Variants in TBC1D14 observed in about 807,000 individuals in gnomAD.
TBC1D14 encodes the protein TBC1 domain family, member 14.
A neutral mutation model predicts 79.0 loss-of-function variants in TBC1D14; 26 were observed. The ratio of observed to expected loss-of-function variants is 0.33; its 90% CI spans 0.24 to 0.46. The LOEUF is 0.46. TBC1D14 is among the 20% of genes least tolerant of loss of function. TBC1D14 has a pLI of 1.00. For synonymous variants in TBC1D14, 394 were observed against 349.9 expected (o/e 1.13, Z -1.40); for missense variants, 769 against 887.6 (o/e 0.87, Z 1.70).
intron 2 of TBC1D14, among the ~76,000 whole-genome samples, chr4:6,947,519 G>A (rs1713597718): frequency 6.6e-6 from 1 of 150,844 alleles, no homozygotes; most frequent in Non-Finnish European, 1.5e-5. Context: ...AAAATTAGCT[G>A]CCCCTGGTGG....
chr4:7,025,394 G>C, intron 13 of TBC1D14, 132 bp downstream of exon 13: 1 of 1,422,926 alleles, frequency 7.0e-7, no homozygotes, highest in Non-Finnish European at 9.3e-7. Context: ...AACTGAGGGG[G>C]GCCGGGTGGA....
chr4:7,012,833 A>G (rs1393355204), intron 11 of TBC1D14, among the ~76,000 whole-genome samples: 1 of 152,226 alleles, frequency 6.6e-6, no homozygotes, highest in Non-Finnish European at 1.5e-5. Context: ...TACCTTTCCA[A>G]GAAAAGTAAT....
intron 3 of TBC1D14, chr4:6,987,201 G>T (rs1717932988): frequency 4.1e-6 from 5 of 1,229,296 alleles, no homozygotes; most frequent in Non-Finnish European, 5.1e-6. Context: ...GCGATTGAGC[G>T]GCCTGCCGCC....
chr4:6,914,490 G>C (rs1478879969), intron 1 of TBC1D14, among the ~76,000 whole-genome samples: 1 of 152,200 alleles, frequency 6.6e-6, no homozygotes, highest in East Asian at 1.9e-4. Context: ...TAGGCTGTGT[G>C]TGTAGCAGTG....
At chr4:7,007,797 T>C (rs1720351253) in intron 9 of TBC1D14, among the ~76,000 whole-genome samples, 1 of 152,206 alleles carries the variant, frequency 6.6e-6, no homozygotes, top group African/African-American at 2.4e-5. Context: ...AGCCCCTGCA[T>C]CGCTCTCTTG....
At chr4:6,963,035 G>T (rs1715370812) in intron 2 of TBC1D14, among the ~76,000 whole-genome samples, 1 of 152,244 alleles carries the variant, frequency 6.6e-6, no homozygotes, top group African/African-American at 2.4e-5. Context: ...GGCATGTGGA[G>T]AGGAGAGGGT....
chr4:7,009,793 C>T (rs878864558), intron 9 of TBC1D14, 84 bp from the exon 10 acceptor site: 18 of 1,337,030 alleles, frequency 1.3e-5, no homozygotes, highest in Admixed American at 3.4e-5. Flanking sequence ...GGAGTGGCAG[C>T]GGCAGCAGTA....
At chr4:6,916,489 GTTCCCACTGC>G (rs1723412290) in intron 1 of TBC1D14, among the ~76,000 whole-genome samples, 1 of 152,230 alleles carries the variant, frequency 6.6e-6, no homozygotes, top group Non-Finnish European at 1.5e-5. Flanking sequence ...GGTTAAGACA[GTTCCCACTGC>G]TTTTTAAGGA....
chr4:7,022,517 A>G (rs67602077), intron 12 of TBC1D14, among the ~76,000 whole-genome samples: 12,616 of 152,254 alleles, frequency 0.083, 657 homozygotes, highest in African/African-American at 0.14. Flanking sequence ...TGACCTTCCA[A>G]GAAATAGTGA....
chr4:7,030,274 A>C (rs542907399), intron 13 of TBC1D14, 53 bp from the exon 14 acceptor site: 22 of 1,577,734 alleles, frequency 1.4e-5, no homozygotes, highest in Non-Finnish European at 1.8e-5. Flanking sequence ...CGCTGCTGTC[A>C]GGATCTGTGT....
intron 2 of TBC1D14, among the ~76,000 whole-genome samples, chr4:6,948,992 G>C (rs948818203): frequency 6.6e-6 from 1 of 151,626 alleles, no homozygotes; most frequent in Admixed American, 6.6e-5. Context: ...GGCCAACATG[G>C]TGAAACCCTG....
At chr4:6,980,857 A>G (rs1474190956) in intron 3 of TBC1D14, among the ~76,000 whole-genome samples, 1 of 151,524 alleles carries the variant, frequency 6.6e-6, no homozygotes, top group Non-Finnish European at 1.5e-5. Context: ...CTGGGACTAC[A>G]GGCGCCCGCC....
At chr4:6,944,754 C>G (rs77336965) in intron 2 of TBC1D14, among the ~76,000 whole-genome samples, 2,581 of 152,348 alleles carry the variant, frequency 0.017, 91 homozygotes, top group African/African-American at 0.059. Context: ...TCCTCCTCAT[C>G]CCTGCACTGG....
chr4:6,922,025 T>A (rs1230833436), intron 1 of TBC1D14, among the ~76,000 whole-genome samples: 2 of 152,054 alleles, frequency 1.3e-5, no homozygotes, highest in Non-Finnish European at 2.9e-5. Context: ...TGCCCTTAGA[T>A]GTGTGCGTGT....
intron 4 of TBC1D14, 70 bp downstream of exon 4, chr4:6,994,372 C>A: frequency 7.1e-7 from 1 of 1,415,844 alleles, no homozygotes; most frequent in Non-Finnish European, 1.0e-6. Context: ...AGCAGCTTTT[C>A]ATTAGAGAAA....
At chr4:6,932,497 G>T (rs1711855840) in intron 2 of TBC1D14, among the ~76,000 whole-genome samples, 1 of 152,224 alleles carries the variant, frequency 6.6e-6, no homozygotes, top group Non-Finnish European at 1.5e-5. Context: ...GAGCACAGAT[G>T]CCCTGGGGAT....
At chr4:6,986,919 C>T (rs780618403) in intron 3 of TBC1D14, among the ~76,000 whole-genome samples, 1 of 152,258 alleles carries the variant, frequency 6.6e-6, no homozygotes, top group South Asian at 2.1e-4. Context: ...AATCACCCCG[C>T]CACCCAGAGC....
intron 4 of TBC1D14, among the ~76,000 whole-genome samples, chr4:6,996,053 G>A (rs946950407): frequency 6.6e-6 from 1 of 150,704 alleles, no homozygotes; most frequent in African/African-American, 2.4e-5. Flanking sequence ...AGCCAGGATG[G>A]TCTCGACCTC....
intron 2 of TBC1D14, among the ~76,000 whole-genome samples, chr4:6,937,053 G>C (rs1712406255): frequency 6.6e-6 from 1 of 152,202 alleles, no homozygotes; most frequent in Non-Finnish European, 1.5e-5. Context: ...TAGTAGCTGG[G>C]ATTACAGGCA....
Sources: allele counts gnomAD v4.1 joint callset (sites outside exome capture counted in the v4.1 genomes callset), GRCh38; gene constraint gnomAD v4.1.1; transcripts MANE v1.5; gene names NCBI Gene and HGNC (gene_info 2026-07-23, HGNC 2026-07-21).